Variants in MALSU1 observed in about 807,000 individuals in gnomAD.
MALSU1 encodes mitochondrial assembly of ribosomal large subunit protein 1.
A neutral mutation model predicts 22.1 loss-of-function variants in MALSU1; 22 were observed. That is an observed-to-expected ratio of 1.00 (90% CI 0.71 to 1.42). The LOEUF (loss-of-function observed/expected upper bound fraction) is 1.42. MALSU1 is among the 40% of genes most tolerant of loss of function. The pLI is 0.00. For missense variants in MALSU1, 379 were observed against 308.3 expected (o/e 1.23, Z -1.72); for synonymous variants, 153 against 118.5 (o/e 1.29, Z -1.89).
intron 2 of MALSU1, among the ~76,000 whole-genome samples, chr7:23,304,567 A>G (rs1028665428): frequency 1.3e-5 from 2 of 152,180 alleles, no homozygotes; most frequent in African/African-American, 2.4e-5. Flanking sequence ...TGGTGTGGTC[A>G]TAGCTCACTG....
At chr7:23,302,502 A>G (rs1430547504) in intron 2 of MALSU1, among the ~76,000 whole-genome samples, 1 of 152,210 alleles carries the variant, frequency 6.6e-6, no homozygotes, top group East Asian at 1.9e-4. Flanking sequence ...AAACAGGGTA[A>G]TTGGAGAGAT....
rs1048883472 is a variant in MALSU1, at chr7:23,309,698, C to T, written c.*155C>T. The T allele has an allele frequency of 1.7e-5, 9 of 514,778 alleles. 1 individual carries two copies. Among genetic ancestry groups the T allele is most frequent in the East Asian group, 6.7e-5 (2 of 29,976 alleles). The allele number at this position is 514,778 out of a possible 1,614,324, so 31.9% of individuals were successfully genotyped here. A position where few individuals can be genotyped will look rare whatever the true frequency, so the allele number is the denominator to read the frequency against. On this transcript the variant is annotated 3_prime_UTR_variant, in exon 4 of 4. Transcript: ENST00000466681. ...CTGCTAACTGGCATGCAGAGACTGT[C>T]GATAAGTGAGCTATACCTGCAACCA...
chr7:23,299,471 A>G lies in MALSU1; in HGVS notation c.119A>G (p.Gln40Arg). Residue 40 changes from glutamine to arginine, a missense_variant, in exon 1 of 4, where the codon CAG becomes CGG. Transcript: ENST00000466681. ...CCCGGGCTTCGGCTGCTGGCCGTGC[A>G]GCGGCTTCCCGTAGGAGCAGCGTTC... ...AEPGLRLLAV[Q>R]RLPVGAAFCR... 6.2e-7 allele frequency: 1 copy of G among 1,609,844 alleles called. No homozygotes were observed. Among genetic ancestry groups the G allele is most frequent in the Non-Finnish European group, 8.5e-7 (1 of 1,179,590 alleles).
Position 23,300,743 on chromosome 7 carries a change from C to A in MALSU1, c.257-96C>A, listed in dbSNP as rs1050816042. Reference sequence around the variant, plus strand: ...TGTAAAAACACTTTGGATCTAAACACCCTCATGGAGGAACAGTCAGCTGCC... The same window carrying A: ...TGTAAAAACACTTTGGATCTAAACAACCTCATGGAGGAACAGTCAGCTGCC... On this transcript the variant is annotated intron_variant, in intron 1 of 3. Transcript: ENST00000466681. 3 of 1,062,696 alleles carry A rather than the reference C, an allele frequency of 2.8e-6. No homozygotes were observed. In the African/African-American group the frequency reaches 4.7e-5, roughly 17 times the overall value. The allele number at this position is 1,062,696 out of a possible 1,614,324, so 65.8% of individuals were successfully genotyped here. A position where few individuals can be genotyped will look rare whatever the true frequency, so the allele number is the denominator to read the frequency against.
chr7:23,307,936 G>A lies in MALSU1; in HGVS notation c.504G>A (p.Leu168=). The A allele has an allele frequency of 6.2e-7, 1 of 1,613,102 alleles. No individual in the cohort carries two copies. The highest frequency in any genetic ancestry group is 8.5e-7 in the Non-Finnish European group (1 of 1,179,044). The part of the protein sequence containing the change: ...KIEGKDTDDW[L]CVDFGSMVIH... ...AAGGGAAGGACACTGATGACTGGCT[G>A]TGCGTGGATTTTGGTAAGTTATTCT... Residue 168 remains leucine (L), a synonymous_variant, in exon 3 of 4, where the codon CTG becomes CTA. Coordinates refer to ENST00000466681, the MANE Select transcript of MALSU1 (RefSeq NM_138446.2).
Position 23,309,467 on chromosome 7 carries a change from C to T in MALSU1, c.629C>T (p.Thr210Ile), listed in dbSNP as rs775021435. 3.7e-6 allele frequency: 6 copies of T among 1,613,166 alleles called. No individual in the cohort carries two copies. Among genetic ancestry groups the T allele is most frequent in the Non-Finnish European group, 5.1e-6 (6 of 1,179,388 alleles). The change falls in exon 4 of 4, where the codon ACA becomes ATA. Residue 210 changes from threonine to isoleucine, a missense_variant. Thr to Ile is a moderately conservative substitution (Grantham distance 89, BLOSUM62 -1). Transcript: ENST00000466681. ...CAGTTAGCTCAGATAGCACCTGAGA[C>T]AGTACCTGAAGACTTCATTCTTGGA... is the stretch of plus-strand genomic sequence containing the variant. ...DDQLAQIAPETVPEDFILGIE... is the reference protein window; with the variant it reads ...DDQLAQIAPEIVPEDFILGIE...
chr7:23,303,913 C>G (rs1452191690), intron 2 of MALSU1, among the ~76,000 whole-genome samples: 2 of 151,906 alleles, frequency 1.3e-5, no homozygotes, highest in Non-Finnish European at 2.9e-5. Flanking sequence ...CAAGACCAGC[C>G]TGGCCAAAAT....
chr7:23,307,828 C>G lies in MALSU1; in HGVS notation c.436-40C>G, dbSNP rs535642490. On this transcript the variant is annotated intron_variant, in intron 2 of 3. Coordinates refer to ENST00000466681, the MANE Select transcript of MALSU1 (RefSeq NM_138446.2). ...ACCTTCAGCAAGAACAGGCTTCCCCCATCCCCTCTCCCTTTAATAAACCAC... is the reference window on the plus strand; with the variant it reads ...ACCTTCAGCAAGAACAGGCTTCCCCGATCCCCTCTCCCTTTAATAAACCAC... 13 of 1,331,764 alleles carry G rather than the reference C, an allele frequency of 9.8e-6. No individual in the cohort carries two copies. In the African/African-American group the frequency reaches 1.5e-4, roughly 15 times the overall value. The allele number at this position is 1,331,764 out of a possible 1,614,324, so 82.5% of individuals were successfully genotyped here. A position where few individuals can be genotyped will look rare whatever the true frequency, so the allele number is the denominator to read the frequency against.
At chr7:23,307,396 T>C (rs1398852302) in intron 2 of MALSU1, among the ~76,000 whole-genome samples, 1 of 152,242 alleles carries the variant, frequency 6.6e-6, no homozygotes, top group Non-Finnish European at 1.5e-5. Context: ...ATATCTGTTT[T>C]AACAAAAGAA....
chr7:23,303,813 G>GA (rs57849044), intron 2 of MALSU1, among the ~76,000 whole-genome samples: 153 of 110,778 alleles, frequency 1.4e-3, no homozygotes, highest in Middle Eastern at 4.9e-3. Flanking sequence ...TGTCTCAAAA[G>GA]AAAAAAAAAA....
rs923010337 is a variant in MALSU1 at position 23,309,727 on chromosome 7, A to G, written c.*184A>G. On this transcript the variant is annotated 3_prime_UTR_variant, in exon 4 of 4. Transcript: ENST00000466681. ...AAGTGAGCTATACCTGCAACCAAAA[A>G]TCAGTACATTCTACCCAAAACTTAT... is the stretch of plus-strand genomic sequence containing the variant. 4.9e-6 allele frequency: 2 copies of G among 412,054 alleles called. No individual in the cohort carries two copies. Among genetic ancestry groups the G allele is most frequent in the Admixed American group, 4.3e-5 (1 of 23,118 alleles). The allele number at this position is 412,054 out of a possible 1,614,324, so 25.5% of individuals were successfully genotyped here.
chr7:23,309,015 A>G (rs1381009014), intron 3 of MALSU1, among the ~76,000 whole-genome samples: 1 of 152,230 alleles, frequency 6.6e-6, no homozygotes, highest in African/African-American at 2.4e-5. Flanking sequence ...TGGATAGTCA[A>G]AACAAAAGGC....
At position 23,309,634 on chromosome 7, in the gene MALSU1, C is replaced by A; in HGVS notation, c.*91C>A. 9.4e-7 allele frequency: 1 copy of A among 1,060,750 alleles called. No homozygotes were observed. The highest frequency in any genetic ancestry group is 1.3e-6 in the Non-Finnish European group (1 of 752,434). 65.7% of individuals were successfully genotyped at this position (1,060,750 alleles called of 1,614,324 possible). ...CCTAAAGTCCGTCTCCTTGGTTAGGCTGCTCTTAGGACAAGGCTTGTGTAC... is the reference window on the plus strand; with the variant it reads ...CCTAAAGTCCGTCTCCTTGGTTAGGATGCTCTTAGGACAAGGCTTGTGTAC... On this transcript the variant is annotated 3_prime_UTR_variant, in exon 4 of 4. Coordinates refer to ENST00000466681, the MANE Select transcript of MALSU1 (RefSeq NM_138446.2).
chr7:23,306,811 A>G (rs1316001459), intron 2 of MALSU1, among the ~76,000 whole-genome samples: 1 of 152,168 alleles, frequency 6.6e-6, no homozygotes, highest in Non-Finnish European at 1.5e-5. Context: ...AATCCTTTTA[A>G]TATGGTGCTG....
intron 2 of MALSU1, among the ~76,000 whole-genome samples, chr7:23,301,909 C>T (rs1356985760): frequency 6.6e-6 from 1 of 150,502 alleles, no homozygotes; most frequent in Non-Finnish European, 1.5e-5. Context: ...GCGGAGGTTG[C>T]AGTGAGCTGA....
intron 3 of MALSU1, among the ~76,000 whole-genome samples, chr7:23,308,336 C>G (rs537922334): frequency 6.6e-6 from 1 of 151,996 alleles, no homozygotes; most frequent in South Asian, 2.1e-4. Context: ...TGAGGTTATT[C>G]CAGGCACAAA....
rs753434825 is a variant in MALSU1, at chr7:23,299,341, A to G, written c.-12A>G. 12 of 1,548,046 alleles carry G rather than the reference A, an allele frequency of 7.8e-6. No homozygotes were observed. The African/African-American group carries it at 1.6e-4, about 21-fold the overall frequency. On this transcript the variant is annotated 5_prime_UTR_variant, in exon 1 of 4. Coordinates refer to ENST00000466681, the MANE Select transcript of MALSU1 (RefSeq NM_138446.2). ...TACCACCCACCCGCGACGCCGACGC[A>G]AGGCTGCTGCTATGGGGCCGGGCGG...
chr7:23,299,619 G>GGA lies in MALSU1; in HGVS notation c.256+14_256+15dup. On this transcript the variant is annotated intron_variant, in intron 1 of 3. Coordinates refer to ENST00000466681, the MANE Select transcript of MALSU1 (RefSeq NM_138446.2). ...AATCGGACGCGGCAGGTACGGGCGT[G>GGA]GAGAAGAACGAAGGCGACCCTCTCC... The GGA allele has an allele frequency of 6.4e-7, 1 of 1,562,088 alleles. No homozygotes were observed. The highest frequency in any genetic ancestry group is 1.4e-5 in the African/African-American group (1 of 73,534).
chr7:23,310,980 T>A lies in MALSU1; in HGVS notation c.*1437T>A, dbSNP rs1309111625. ...CAAATGAGTTCGTTATCAAAGGTCA[T>A]ATGTTTTCACAGTCATTCAAATTAT... On this transcript the variant is annotated 3_prime_UTR_variant, in exon 4 of 4. Coordinates refer to ENST00000466681, the MANE Select transcript of MALSU1 (RefSeq NM_138446.2). 6.6e-6 allele frequency: 1 copy of A among 152,186 alleles called. No homozygotes were observed. The highest frequency in any genetic ancestry group is 1.5e-5 in the Non-Finnish European group (1 of 68,034). The allele number at this position is 152,186 out of a possible 1,614,324, so 9.4% of individuals were successfully genotyped here.
Sources: gnomAD v4.1 joint callset for allele counts (sites outside exome capture counted in the v4.1 genomes callset) on GRCh38, gnomAD v4.1.1 for gene constraint, MANE v1.5 for transcripts, NCBI Gene and HGNC (gene_info 2026-07-23, HGNC 2026-07-21) for gene names.